Variants in GAB2 observed in about 807,000 individuals in gnomAD.
The protein encoded by GAB2 is GRB2 associated binding protein 2.
In GAB2, 26 loss-of-function variants were observed where a neutral mutation model predicts 65.5. That is an observed-to-expected ratio of 0.40 (90% CI 0.29 to 0.55). GAB2 has a LOEUF of 0.55. Ranked by LOEUF, GAB2 falls within the 20% of genes least tolerant of loss-of-function variation. The pLI, the probability that GAB2 is intolerant of heterozygous loss-of-function variation, is 0.53. For synonymous variants in GAB2, 321 were observed against 329.6 expected, an observed-to-expected ratio of 0.97 and a Z score of 0.28; for missense variants, 884 against 875.8, an observed-to-expected ratio of 1.01 and a Z score of -0.12.
At chr11:78,230,536 T>C (rs1214092628) in intron 3 of GAB2, among the ~76,000 whole-genome samples, 1 of 152,288 alleles carries the variant, frequency 6.6e-6, no homozygotes, top group Admixed American at 6.5e-5. Flanking sequence ...ACACTCACCT[T>C]ATTCTGCCTT....
intron 2 of GAB2, among the ~76,000 whole-genome samples, chr11:78,255,125 A>C (rs1865562218): frequency 6.6e-6 from 1 of 152,140 alleles, no homozygotes; most frequent in Admixed American, 6.5e-5. Context: ...GAGACAGAGA[A>C]ACACAAAGGC....
At chr11:78,328,120 G>A (rs1254214389) in intron 1 of GAB2, among the ~76,000 whole-genome samples, 1 of 152,092 alleles carries the variant, frequency 6.6e-6, no homozygotes, top group East Asian at 1.9e-4. Flanking sequence ...CCTGACCTTG[G>A]ACCCTTCCCT....
At chr11:78,287,553 C>G (rs1188533889) in intron 1 of GAB2, among the ~76,000 whole-genome samples, 2 of 152,050 alleles carry the variant, frequency 1.3e-5, no homozygotes, top group African/African-American at 4.8e-5. Context: ...GCTGTGATTA[C>G]AAGTGTGAAC....
chr11:78,337,132 C>T (rs1194749981), intron 1 of GAB2, among the ~76,000 whole-genome samples: 4 of 152,104 alleles, frequency 2.6e-5, no homozygotes, highest in African/African-American at 4.8e-5. Context: ...GCTCAATGTT[C>T]ATCTAATACC....
At chr11:78,321,442 C>T (rs1016184728) in intron 1 of GAB2, among the ~76,000 whole-genome samples, 4 of 152,114 alleles carry the variant, frequency 2.6e-5, no homozygotes, top group Non-Finnish European at 4.4e-5. Flanking sequence ...ATTTTAAGTT[C>T]CTTGCAAGCA....
At chr11:78,321,971 T>C (rs1292029188) in intron 1 of GAB2, among the ~76,000 whole-genome samples, 1 of 151,720 alleles carries the variant, frequency 6.6e-6, no homozygotes, top group Non-Finnish European at 1.5e-5. Flanking sequence ...CTACCTATCA[T>C]GATACATAAT....
rs114866621 is a variant in GAB2, at chr11:78,291,766, A to G, written c.76-10865T>C. On this transcript the variant is annotated intron_variant, in intron 1 of 9. Transcript: ENST00000361507. ...TTTTTTTTAGAGATGGAGTCTCACTATGCTGGCTAGGCTAATGTCAAATTC... is the reference window on the plus strand; with the variant it reads ...TTTTTTTTAGAGATGGAGTCTCACTGTGCTGGCTAGGCTAATGTCAAATTC... 4.1e-3 allele frequency among the ~76,000 whole-genome samples: 611 copies of G among 150,854 alleles called. 4 individuals are homozygous for G. Among genetic ancestry groups the G allele is most frequent in the African/African-American group, 0.014 (564 of 41,022 alleles).
chr11:78,224,018 G>A (rs1864547374), intron 5 of GAB2, among the ~76,000 whole-genome samples: 1 of 152,144 alleles, frequency 6.6e-6, no homozygotes, highest in South Asian at 2.1e-4. Context: ...GGAGGCCAAG[G>A]TTGTAGTGAG....
intron 3 of GAB2, among the ~76,000 whole-genome samples, chr11:78,236,312 T>A (rs1468433429): frequency 6.6e-6 from 1 of 152,230 alleles, no homozygotes; most frequent in African/African-American, 2.4e-5. Context: ...TAAACTCACT[T>A]AAAAATTTTT....
At chr11:78,315,002 G>A (rs571531288) in intron 1 of GAB2, among the ~76,000 whole-genome samples, 10 of 152,286 alleles carry the variant, frequency 6.6e-5, no homozygotes, top group South Asian at 4.1e-4. Context: ...CAGTGGCAGC[G>A]AGGGAGACAG....
chr11:78,291,484 G>A (rs1222260014), intron 1 of GAB2, among the ~76,000 whole-genome samples: 1 of 134,142 alleles, frequency 7.5e-6, no homozygotes, highest in East Asian at 2.4e-4. Flanking sequence ...AAAAAAAAAA[G>A]AGTAGATCAA....
intron 3 of GAB2, among the ~76,000 whole-genome samples, chr11:78,230,521 T>G (rs1864810682): frequency 1.3e-5 from 2 of 152,390 alleles, no homozygotes; most frequent in South Asian, 4.1e-4. Context: ...TGTGCTTCCA[T>G]CGCAACACTC....
chr11:78,343,097 A>C (rs1428636302), intron 1 of GAB2, among the ~76,000 whole-genome samples: 1 of 152,114 alleles, frequency 6.6e-6, no homozygotes, highest in Non-Finnish European at 1.5e-5. Flanking sequence ...AATATAAATT[A>C]GTTACTTTTT....
chr11:78,370,083 C>G (rs987584457), intron 1 of GAB2, among the ~76,000 whole-genome samples: 3 of 151,390 alleles, frequency 2.0e-5, no homozygotes, highest in Non-Finnish European at 4.4e-5. Context: ...CGGTGAAACC[C>G]CGTCTCTACT....
At chr11:78,390,846 C>T (rs549324899) in intron 1 of GAB2, among the ~76,000 whole-genome samples, 1 of 152,222 alleles carries the variant, frequency 6.6e-6, no homozygotes, top group Non-Finnish European at 1.5e-5. Context: ...TTACATAATC[C>T]GTGATATGTA....
At chr11:78,231,205 G>C (rs1054732753) in intron 3 of GAB2, among the ~76,000 whole-genome samples, 5 of 152,196 alleles carry the variant, frequency 3.3e-5, no homozygotes, top group Non-Finnish European at 4.4e-5. Context: ...AGAAGTTTGA[G>C]AGAAGATATT....
intron 1 of GAB2, among the ~76,000 whole-genome samples, chr11:78,357,000 G>C (rs1385226560): frequency 6.6e-6 from 1 of 152,210 alleles, no homozygotes; most frequent in East Asian, 1.9e-4. Flanking sequence ...GGGTTGGTGA[G>C]TAGGGGGTAA....
intron 3 of GAB2, among the ~76,000 whole-genome samples, chr11:78,230,831 A>G (rs1362273949): frequency 6.6e-6 from 1 of 152,238 alleles, no homozygotes; most frequent in Non-Finnish European, 1.5e-5. Context: ...CCTTTGGGCA[A>G]TAATCTAGAT....
chr11:78,311,075 C>T (rs1205681989), intron 1 of GAB2, among the ~76,000 whole-genome samples: 1 of 152,138 alleles, frequency 6.6e-6, no homozygotes, highest in Non-Finnish European at 1.5e-5. Context: ...CAAGATGGGA[C>T]AGTTCTCAGA....
Sources: gnomAD v4.1 joint callset for allele counts (sites outside exome capture counted in the v4.1 genomes callset) on GRCh38, gnomAD v4.1.1 for gene constraint, MANE v1.5 for transcripts, NCBI Gene and HGNC (gene_info 2026-07-23, HGNC 2026-07-21) for gene names.